RANBP17: variants seen among roughly 807,000 people sequenced by gnomAD.
RANBP17 encodes the protein RAN binding protein 17.
RANBP17 carries 158 observed loss-of-function variants against 141.2 expected under a neutral mutation model. That is an observed-to-expected ratio of 1.12 (90% CI 0.98 to 1.28). RANBP17 has a LOEUF of 1.28. Among genes scored for constraint, RANBP17 ranks in the 50% most tolerant of loss-of-function variants. The pLI is 0.00. For synonymous variants in RANBP17, 430 were observed against 450.0 expected (o/e 0.96, Z 0.56); for missense variants, 1,438 against 1,290.7 (o/e 1.11, Z -1.75).
intron 1 of RANBP17, among the ~76,000 whole-genome samples, chr5:170,869,548 C>T (rs1263389742): frequency 1.3e-5 from 2 of 152,142 alleles, no homozygotes; most frequent in Non-Finnish European, 2.9e-5. Flanking sequence ...CCATTTCATG[C>T]CTTTCGCCCA....
intron 15 of RANBP17, 55 bp from the exon 16 acceptor site, chr5:171,171,151 C>T (rs1377942459): frequency 2.1e-6 from 2 of 932,624 alleles, no homozygotes; most frequent in African/African-American, 3.4e-5. Flanking sequence ...TTCTCTGGTT[C>T]TCCTTAGACA....
In RANBP17 at chr5:170,919,521, A is replaced by C; in HGVS notation, c.1182A>C (p.Lys394Asn). The C allele has an allele frequency of 6.2e-7, 1 of 1,612,500 alleles. No individual in the cohort carries two copies. The highest frequency in any genetic ancestry group is 1.1e-5 in the South Asian group (1 of 90,854). The change falls in exon 11 of 28, where the codon AAA becomes AAC. Residue 394 changes from lysine (K) to asparagine (N), a missense_variant. Transcript: ENST00000523189. ...TGGTAGCATCTGTTCCTTTTGTGAA[A>C]TCAACTGAACCCCACCTATTAGACA... is the stretch of plus-strand genomic sequence containing the variant. ...QRMVASVPFV[K>N]STEPHLLDTY...
At chr5:170,879,495 A>G (rs1243408810) in intron 2 of RANBP17, among the ~76,000 whole-genome samples, 3 of 152,134 alleles carry the variant, frequency 2.0e-5, no homozygotes, top group South Asian at 4.1e-4. Flanking sequence ...ACAATGTGGG[A>G]AGTATATAAA....
chr5:170,957,076 C>CAA (rs1775773662), intron 13 of RANBP17, among the ~76,000 whole-genome samples: 1 of 134,230 alleles, frequency 7.4e-6, no homozygotes, highest in Admixed American at 7.0e-5. Flanking sequence ...TCTCAAAACA[C>CAA]ACACACACAC....
intron 3 of RANBP17, among the ~76,000 whole-genome samples, chr5:170,885,523 T>A (rs1416570521): frequency 6.6e-6 from 1 of 152,208 alleles, no homozygotes; most frequent in South Asian, 2.1e-4. Flanking sequence ...AAGCCTCTTA[T>A]AATCATTCTT....
chr5:171,099,571 C>T lies in RANBP17; in HGVS notation c.1711-70559C>T, dbSNP rs146717172. On this transcript the variant is annotated intron_variant, in intron 14 of 27. Coordinates refer to ENST00000523189, the MANE Select transcript of RANBP17 (RefSeq NM_022897.5). ...AAACAAAGATAATTTAACTTCCTCT[C>T]TTCCTATTTGAATACCCCTTATTTC... 5.4e-3 allele frequency among the ~76,000 whole-genome samples: 818 copies of T among 152,244 alleles called. 9 individuals carry two copies. Among genetic ancestry groups the T allele is most frequent in the African/African-American group, 0.018 (745 of 41,548 alleles).
chr5:171,206,026 G>C (rs1286249493), intron 20 of RANBP17: 1 of 320,958 alleles, frequency 3.1e-6, no homozygotes, highest in African/African-American at 2.2e-5. Context: ...TCATGCCACA[G>C]TTTTTCATTA....
chr5:171,263,562 C>T (rs1766473734), intron 24 of RANBP17, among the ~76,000 whole-genome samples: 1 of 152,216 alleles, frequency 6.6e-6, no homozygotes, highest in South Asian at 2.1e-4. Context: ...CCTCCATTAA[C>T]CTTTCATATT....
intron 1 of RANBP17, among the ~76,000 whole-genome samples, chr5:170,874,166 A>G (rs962927525): frequency 4.6e-5 from 7 of 152,096 alleles, no homozygotes; most frequent in African/African-American, 1.4e-4. Context: ...TGAGTTTCTT[A>G]ATCTTGAGTT....
intron 21 of RANBP17, among the ~76,000 whole-genome samples, chr5:171,215,577 CTCTT>C (rs1763165968): frequency 1.3e-5 from 2 of 152,266 alleles, no homozygotes; most frequent in African/African-American, 4.8e-5. Context: ...TGTTTCCTGA[CTCTT>C]TAATGATCGC....
rs1288674077 is a variant in RANBP17 at position 171,299,398 on chromosome 5, C to T, written c.*540C>T. On this transcript the variant is annotated 3_prime_UTR_variant, in exon 28 of 28. Coordinates refer to ENST00000523189, the MANE Select transcript of RANBP17 (RefSeq NM_022897.5). Reference sequence around the variant, plus strand: ...TCCCACAGGACCACACGCAGGCCTCCCTGCCTCAGCTGCATCTGATAAAGT... The same window carrying T: ...TCCCACAGGACCACACGCAGGCCTCTCTGCCTCAGCTGCATCTGATAAAGT... The T allele has an allele frequency of 1.7e-5, 4 of 231,976 alleles. No individual in the cohort carries two copies. The highest frequency in any genetic ancestry group is 2.5e-3 in the Middle Eastern group (2 of 802). 14.4% of individuals were successfully genotyped at this position (231,976 alleles called of 1,614,324 possible).
rs776308972 is a variant in RANBP17, at chr5:170,983,104, A to G, written c.1710+14727A>G. 1.2e-3 allele frequency: 648 copies of G among 520,674 alleles called. 1 individual carries two copies. Among genetic ancestry groups the G allele is most frequent in the Non-Finnish European group, 2.2e-3 (588 of 267,832 alleles). 32.3% of individuals were successfully genotyped at this position (520,674 alleles called of 1,614,324 possible). On this transcript the variant is annotated intron_variant, in intron 14 of 27. Coordinates refer to ENST00000523189, the MANE Select transcript of RANBP17 (RefSeq NM_022897.5). ...CTGTATACTACTCAATTAAAAAAGT[A>G]AACCAAGAAAAGAGGAAGAAGGGAG...
chr5:171,150,053 C>T (rs1172976472), intron 14 of RANBP17, among the ~76,000 whole-genome samples: 2 of 152,082 alleles, frequency 1.3e-5, no homozygotes, highest in Non-Finnish European at 2.9e-5. Context: ...TAAACACCTG[C>T]TTTTCTTGTA....
intron 1 of RANBP17, among the ~76,000 whole-genome samples, chr5:170,862,531 G>T (rs1402602454): frequency 1.3e-5 from 2 of 152,188 alleles, no homozygotes; most frequent in African/African-American, 4.8e-5. Context: ...CCGGAGCGGG[G>T]GCTTGGGATC....
rs76507733 is a variant in RANBP17 at position 171,009,992 on chromosome 5, A to G, written c.1710+41615A>G. Among the ~76,000 whole-genome samples, 1,148 of 152,222 alleles carry G rather than the reference A, an allele frequency of 7.5e-3. 13 individuals carry two copies. Among genetic ancestry groups the G allele is most frequent in the African/African-American group, 0.026 (1,087 of 41,548 alleles). ...ATATGGGAATACAGCTCAAGCAGAAATCAGCCCTCTTTTTGATGAGTTAGA... is the reference window on the plus strand; with the variant it reads ...ATATGGGAATACAGCTCAAGCAGAAGTCAGCCCTCTTTTTGATGAGTTAGA... On this transcript the variant is annotated intron_variant, in intron 14 of 27. Coordinates refer to ENST00000523189, the MANE Select transcript of RANBP17 (RefSeq NM_022897.5).
intron 11 of RANBP17, among the ~76,000 whole-genome samples, chr5:170,920,393 C>G (rs1425868059): frequency 1.3e-5 from 2 of 152,012 alleles, no homozygotes; most frequent in Admixed American, 6.6e-5. Flanking sequence ...TTGTGGTTTT[C>G]CCTTAATGAC....
At chr5:170,969,112 A>G (rs1776803580) in intron 14 of RANBP17, among the ~76,000 whole-genome samples, 1 of 151,774 alleles carries the variant, frequency 6.6e-6, no homozygotes, top group African/African-American at 2.4e-5. Flanking sequence ...TAGCTGTTTT[A>G]TCTTAGGAAA....
At chr5:170,965,779 C>G (rs1776511617) in intron 13 of RANBP17, among the ~76,000 whole-genome samples, 1 of 152,080 alleles carries the variant, frequency 6.6e-6, no homozygotes, top group Non-Finnish European at 1.5e-5. Context: ...GGTACCAGTA[C>G]CATGCTGTTT....
intron 14 of RANBP17, among the ~76,000 whole-genome samples, chr5:171,084,027 T>G (rs916478608): frequency 6.6e-6 from 1 of 150,784 alleles, no homozygotes; most frequent in African/African-American, 2.4e-5. Context: ...TAGTTACATA[T>G]GTATACATGT....
Sources: gnomAD v4.1 joint callset for allele counts (sites outside exome capture counted in the v4.1 genomes callset) on GRCh38, gnomAD v4.1.1 for gene constraint, MANE v1.5 for transcripts, NCBI Gene and HGNC (gene_info 2026-07-23, HGNC 2026-07-21) for gene names.